Variants in GTF2A1 observed in about 807,000 individuals in gnomAD.
GTF2A1 encodes the protein transcription initiation factor IIA subunit 1.
GTF2A1 carries 12 observed loss-of-function variants against 54.1 expected under a neutral mutation model. That is an observed-to-expected ratio of 0.22 (90% CI 0.14 to 0.36). GTF2A1 has a LOEUF of 0.36. Among genes scored for constraint, GTF2A1 ranks in the 10% least tolerant of loss-of-function variants. The pLI is 1.00. For missense variants in GTF2A1, 335 were observed against 442.2 expected (o/e 0.76, Z 2.17); for synonymous variants, 145 against 152.0 (o/e 0.95, Z 0.34).
chr14:81,195,152 AAAGATGACTAT>A (rs1892965026), intron 6 of GTF2A1, among the ~76,000 whole-genome samples: 1 of 151,548 alleles, frequency 6.6e-6, no homozygotes, highest in Non-Finnish European at 1.5e-5. Flanking sequence ...AAAAAAAAAA[AAAGATGACTAT>A]AAATCAGCCA....
At chr14:81,197,191 C>T in intron 5 of GTF2A1, 1 of 447,336 alleles carries the variant, frequency 2.2e-6, no homozygotes, top group Non-Finnish European at 4.1e-6. Flanking sequence ...ATGCACAGAT[C>T]AAAGGTTCAA....
At position 81,220,641 on chromosome 14, in the gene GTF2A1, T is replaced by A. The variant is rs539398343; in HGVS notation, c.-123A>T. 4.4e-4 allele frequency: 296 copies of A among 672,006 alleles called. 2 individuals carry two copies. The East Asian group carries it at 5.4e-3, about 12-fold the overall frequency. 41.6% of individuals were successfully genotyped at this position (672,006 alleles called of 1,614,324 possible). On this transcript the variant is annotated 5_prime_UTR_variant, in exon 1 of 9. Coordinates refer to ENST00000553612, the MANE Select transcript of GTF2A1 (RefSeq NM_015859.4). ...AATCACCGCAAGATTGGGGAAAAAA[T>A]TTTAAACAAAATCAATCCTGAAGGA... is the stretch of plus-strand genomic sequence containing the variant.
At chr14:81,214,499 A>C (rs1280147013) in intron 2 of GTF2A1, among the ~76,000 whole-genome samples, 1 of 152,100 alleles carries the variant, frequency 6.6e-6, no homozygotes, top group Non-Finnish European at 1.5e-5. Flanking sequence ...CAAAAAAATT[A>C]GCCAGGCGTC....
At chr14:81,183,539 A>C (rs1892680927) in intron 8 of GTF2A1, among the ~76,000 whole-genome samples, 1 of 152,262 alleles carries the variant, frequency 6.6e-6, no homozygotes, top group African/African-American at 2.4e-5. Flanking sequence ...ATATTTTTAT[A>C]TTAATAGAAG....
At chr14:81,205,262 T>G (rs1348984537) in intron 2 of GTF2A1, among the ~76,000 whole-genome samples, 3 of 152,174 alleles carry the variant, frequency 2.0e-5, no homozygotes, top group Non-Finnish European at 4.4e-5. Context: ...TGCCTGGTCA[T>G]ACTCACAGAG....
At chr14:81,194,311 A>T (rs1892943775) in intron 6 of GTF2A1, among the ~76,000 whole-genome samples, 1 of 152,254 alleles carries the variant, frequency 6.6e-6, no homozygotes. Flanking sequence ...TGCCCAGTAC[A>T]TGGAAAAATT....
At chr14:81,191,555 C>T (rs570527356) in intron 7 of GTF2A1, among the ~76,000 whole-genome samples, 64 of 152,172 alleles carry the variant, frequency 4.2e-4, no homozygotes, top group Middle Eastern at 6.8e-3. Context: ...CAGAAGAATA[C>T]GTAATTACTT....
chr14:81,191,850 A>G (rs1454604084), intron 7 of GTF2A1, among the ~76,000 whole-genome samples: 4 of 152,318 alleles, frequency 2.6e-5, no homozygotes, highest in South Asian at 2.1e-4. Context: ...CAGAAAAAAA[A>G]TTACTTAGAT....
intron 4 of GTF2A1, among the ~76,000 whole-genome samples, chr14:81,200,274 T>G (rs1284807565): frequency 6.6e-6 from 1 of 152,132 alleles, no homozygotes; most frequent in East Asian, 1.9e-4. Context: ...AACTTTGTGA[T>G]TCAGTATCAC....
chr14:81,201,814 G>A (rs1371059957), intron 3 of GTF2A1, among the ~76,000 whole-genome samples, 156 bp from the exon 4 acceptor site: 1 of 152,120 alleles, frequency 6.6e-6, no homozygotes, highest in Non-Finnish European at 1.5e-5. Flanking sequence ...CATTATAAAT[G>A]TATATGGCAA....
chr14:81,184,174 A>C (rs999557222), intron 8 of GTF2A1, among the ~76,000 whole-genome samples: 1 of 152,206 alleles, frequency 6.6e-6, no homozygotes, highest in Non-Finnish European at 1.5e-5. Context: ...GGAGAATACA[A>C]CCATTGTCTT....
intron 8 of GTF2A1, among the ~76,000 whole-genome samples, chr14:81,184,743 G>T (rs566586787): frequency 2.0e-5 from 3 of 151,918 alleles, no homozygotes; most frequent in Non-Finnish European, 4.4e-5. Context: ...GTAAATTTCC[G>T]CACTCTATAA....
rs1892932912 is a variant in GTF2A1 at position 81,193,968 on chromosome 14, C to T, written c.613-1129G>A. Among the ~76,000 whole-genome samples the T allele has an allele frequency of 1.3e-5, 2 of 152,186 alleles. 1 individual carries two copies. Among genetic ancestry groups the T allele is most frequent in the South Asian group, 4.1e-4 (2 of 4,834 alleles). ...CACAGCAGATGTAGTACAAATATGA[C>T]ACAGTGTTATGGGAACACAAGAGAG... is the stretch of plus-strand genomic sequence containing the variant. On this transcript the variant is annotated intron_variant, in intron 6 of 8. Transcript: ENST00000553612.
chr14:81,213,090 C>G (rs1893408411), intron 2 of GTF2A1, among the ~76,000 whole-genome samples: 1 of 152,190 alleles, frequency 6.6e-6, no homozygotes, highest in Non-Finnish European at 1.5e-5. Flanking sequence ...AAGAATATTA[C>G]ACTATTTTGT....
At position 81,220,812 on chromosome 14, in the gene GTF2A1, G is replaced by A. The variant is rs1893622995; in HGVS notation, c.-294C>T. 1 of 337,768 alleles carries A rather than the reference G, an allele frequency of 3.0e-6. No individual in the cohort carries two copies. The highest frequency in any genetic ancestry group is 5.3e-6 in the Non-Finnish European group (1 of 187,266). 20.9% of individuals were successfully genotyped at this position (337,768 alleles called of 1,614,324 possible). On this transcript the variant is annotated 5_prime_UTR_variant, in exon 1 of 9. Coordinates refer to ENST00000553612, the MANE Select transcript of GTF2A1 (RefSeq NM_015859.4). ...CGCTCCCCACCCCGCGCCAAGGAGG[G>A]AAACCACCACCGGTCACCGCTCCCT...
At chr14:81,211,616 C>T (rs1164177701) in intron 2 of GTF2A1, among the ~76,000 whole-genome samples, 1 of 151,948 alleles carries the variant, frequency 6.6e-6, no homozygotes, top group Non-Finnish European at 1.5e-5. Context: ...ACATCAGAGA[C>T]CTTCACTGCA....
intron 8 of GTF2A1, among the ~76,000 whole-genome samples, chr14:81,185,190 T>G (rs1007732769): frequency 6.6e-6 from 1 of 152,144 alleles, no homozygotes; most frequent in Non-Finnish European, 1.5e-5. Flanking sequence ...TGAGGCTAAA[T>G]AGAAAACAGA....
At chr14:81,218,035 A>G (rs757857717) in intron 1 of GTF2A1, among the ~76,000 whole-genome samples, 3 of 151,772 alleles carry the variant, frequency 2.0e-5, no homozygotes, top group Non-Finnish European at 2.9e-5. Context: ...ATATCTGACT[A>G]TGGACATCAT....
Position 81,216,191 on chromosome 14 carries a change from G to A in GTF2A1, c.132+222C>T, listed in dbSNP as rs1301301178. On this transcript the variant is annotated intron_variant, in intron 2 of 8. Coordinates refer to ENST00000553612, the MANE Select transcript of GTF2A1 (RefSeq NM_015859.4). ...TTTAATCCTCAAAACAAACCTATAAGGTAAGTACTACCAATTTCCATCTTA... is the reference window on the plus strand; with the variant it reads ...TTTAATCCTCAAAACAAACCTATAAAGTAAGTACTACCAATTTCCATCTTA... 2.6e-5 allele frequency among the ~76,000 whole-genome samples: 4 copies of A among 152,142 alleles called. No homozygotes were observed. In the East Asian group the frequency reaches 7.7e-4, roughly 29 times the overall value.
Sources: allele counts gnomAD v4.1 joint callset (sites outside exome capture counted in the v4.1 genomes callset), GRCh38; gene constraint gnomAD v4.1.1; transcripts MANE v1.5; gene names NCBI Gene and HGNC (gene_info 2026-07-23, HGNC 2026-07-21).